The following RNGTT variants were observed in gnomAD, a reference collection of about 807,000 sequenced individuals.
RNGTT encodes RNA guanylyltransferase and 5'-phosphatase.
A neutral mutation model predicts 79.3 loss-of-function variants in RNGTT; 33 were observed. The ratio of observed to expected loss-of-function variants is 0.42; its 90% CI spans 0.32 to 0.56. RNGTT has a LOEUF of 0.56. RNGTT is among the 20% of genes least tolerant of loss of function. The pLI, the probability that RNGTT is intolerant of heterozygous loss-of-function variation, is 0.17. For missense variants in RNGTT, 497 were observed against 739.1 expected, an observed-to-expected ratio of 0.67 and a Z score of 3.80; for synonymous variants, 222 against 235.9, an observed-to-expected ratio of 0.94 and a Z score of 0.54.
intron 6 of RNGTT, among the ~76,000 whole-genome samples, chr6:88,903,822 T>G (rs1053283928): frequency 6.6e-6 from 1 of 152,218 alleles, no homozygotes; most frequent in Non-Finnish European, 1.5e-5. Context: ...CCCTAACTTT[T>G]CCCTTTGGCC....
intron 13 of RNGTT, among the ~76,000 whole-genome samples, chr6:88,679,910 T>C (rs1775025814): frequency 6.6e-6 from 1 of 152,202 alleles, no homozygotes; most frequent in African/African-American, 2.4e-5. Context: ...AAACTGCCCA[T>C]ATTCCTTGCC....
intron 13 of RNGTT, among the ~76,000 whole-genome samples, chr6:88,715,660 C>T (rs1337402637): frequency 3.3e-5 from 5 of 152,172 alleles, no homozygotes; most frequent in Admixed American, 1.3e-4. Flanking sequence ...GAAATAATGC[C>T]GCATATCTAC....
chr6:88,839,546 G>A (rs1211720266), intron 11 of RNGTT, among the ~76,000 whole-genome samples: 1 of 151,912 alleles, frequency 6.6e-6, no homozygotes, highest in Non-Finnish European at 1.5e-5. Context: ...CTCTAGCCTG[G>A]ATGACAGAGC....
At chr6:88,846,555 G>A (rs894879827) in intron 10 of RNGTT, among the ~76,000 whole-genome samples, 8 of 151,952 alleles carry the variant, frequency 5.3e-5, no homozygotes, top group African/African-American at 1.2e-4. Flanking sequence ...CGTGACCAGC[G>A]TAGCCATCAT....
chr6:88,694,207 C>CAAACAA (rs905733923), intron 13 of RNGTT, among the ~76,000 whole-genome samples: 3 of 151,816 alleles, frequency 2.0e-5, no homozygotes, highest in African/African-American at 7.3e-5. Context: ...AAGATTCTAC[C>CAAACAA]AAACAAAAAC....
At chr6:88,779,444 C>G (rs1194535729) in intron 12 of RNGTT, among the ~76,000 whole-genome samples, 1 of 152,082 alleles carries the variant, frequency 6.6e-6, no homozygotes, top group Non-Finnish European at 1.5e-5. Context: ...TTCTAAAAAG[C>G]TTTAATATGT....
At chr6:88,915,776 A>T (rs1319319305) in intron 4 of RNGTT, among the ~76,000 whole-genome samples, 1 of 152,250 alleles carries the variant, frequency 6.6e-6, no homozygotes, top group African/African-American at 2.4e-5. Context: ...ATTTAAATTT[A>T]AATTAAAAAA....
intron 14 of RNGTT, among the ~76,000 whole-genome samples, chr6:88,623,814 A>C (rs1384290744): frequency 6.6e-6 from 1 of 152,080 alleles, no homozygotes; most frequent in African/African-American, 2.4e-5. Context: ...ATGATTACTT[A>C]CATAGAAGGA....
chr6:88,751,333 T>C (rs1220238635), intron 13 of RNGTT, among the ~76,000 whole-genome samples: 4 of 152,092 alleles, frequency 2.6e-5, no homozygotes, highest in Admixed American at 2.0e-4. Flanking sequence ...AAATACTACA[T>C]ATTCCAGCTT....
intron 12 of RNGTT, among the ~76,000 whole-genome samples, chr6:88,790,930 A>C (rs1779385441): frequency 6.6e-6 from 1 of 152,186 alleles, no homozygotes; most frequent in Non-Finnish European, 1.5e-5. Flanking sequence ...CAGAAATTAC[A>C]CTGGGTATTA....
intron 12 of RNGTT, among the ~76,000 whole-genome samples, chr6:88,789,142 G>A (rs547765971): frequency 7.9e-5 from 12 of 152,062 alleles, no homozygotes; most frequent in Admixed American, 3.9e-4. Flanking sequence ...TTTCTTGGCC[G>A]GGCACGGTGA....
intron 13 of RNGTT, among the ~76,000 whole-genome samples, chr6:88,767,753 G>A (rs988962630): frequency 6.8e-6 from 1 of 146,254 alleles, no homozygotes; most frequent in Non-Finnish European, 1.5e-5. Context: ...TTTTCTAATA[G>A]TGAGATGGTC....
chr6:88,706,525 T>C (rs914983549), intron 13 of RNGTT, among the ~76,000 whole-genome samples: 6 of 152,042 alleles, frequency 3.9e-5, no homozygotes, highest in Admixed American at 6.5e-5. Context: ...CACATTAATA[T>C]GATTCTGTAA....
chr6:88,865,214 C>T lies in RNGTT; in HGVS notation c.897-11450G>A, dbSNP rs531977652. 2.3e-3 allele frequency among the ~76,000 whole-genome samples: 346 copies of T among 152,056 alleles called. 1 individual carries two copies. The highest frequency in any genetic ancestry group is 4.5e-3 in the Admixed American group (69 of 15,266). ...TCAGCTATTGTTATTATGTCCAAGG[C>T]ACAGAGTACTTAATTAAGTACTTAA... On this transcript the variant is annotated intron_variant, in intron 8 of 15. Coordinates refer to ENST00000369485, the MANE Select transcript of RNGTT (RefSeq NM_003800.5).
At chr6:88,629,110 G>A (rs1367172272) in intron 14 of RNGTT, among the ~76,000 whole-genome samples, 5 of 152,088 alleles carry the variant, frequency 3.3e-5, no homozygotes, top group East Asian at 3.9e-4. Context: ...AAACAAAGTA[G>A]GAGAAATCTC....
In RNGTT at chr6:88,648,393, C is replaced by T. The variant is rs551790274; in HGVS notation, c.1506+29960G>A. ...ATATTAAATGACGAGTTAATGGATG[C>T]AGTACACCAACATGGCACATGTATA... On this transcript the variant is annotated intron_variant, in intron 14 of 15. Transcript: ENST00000369485. Among the ~76,000 whole-genome samples the T allele has an allele frequency of 7.9e-5, 12 of 151,990 alleles. 1 individual carries two copies. In the South Asian group the frequency reaches 1.9e-3, roughly 24 times the overall value.
intron 8 of RNGTT, among the ~76,000 whole-genome samples, chr6:88,872,521 T>TA (rs1228924651): frequency 2.0e-5 from 3 of 152,148 alleles, no homozygotes; most frequent in Admixed American, 2.0e-4. Flanking sequence ...CAAAATAACT[T>TA]AGAGTATCAT....
intron 12 of RNGTT, among the ~76,000 whole-genome samples, chr6:88,793,027 CAT>C (rs1779473439): frequency 6.6e-6 from 1 of 152,154 alleles, no homozygotes; most frequent in East Asian, 1.9e-4. Flanking sequence ...GATGGGTAGA[CAT>C]GTGATTATGT....
At chr6:88,821,002 A>G (rs1582501731) in intron 11 of RNGTT, among the ~76,000 whole-genome samples, 1 of 152,246 alleles carries the variant, frequency 6.6e-6, no homozygotes, top group Middle Eastern at 3.4e-3. Context: ...TAGCCAGCAC[A>G]ATATTGAAGG....
Sources: allele counts gnomAD v4.1 joint callset (sites outside exome capture counted in the v4.1 genomes callset), GRCh38; gene constraint gnomAD v4.1.1; transcripts MANE v1.5; gene names NCBI Gene and HGNC (gene_info 2026-07-23, HGNC 2026-07-21).